MACROD2: variants seen among roughly 807,000 people sequenced by gnomAD.
The protein encoded by MACROD2 is mono-ADP ribosylhydrolase 2.
A neutral mutation model predicts 70.4 loss-of-function variants in MACROD2; 36 were observed. The observed-to-expected ratio is 0.51, with a 90% CI of 0.39 to 0.68. The LOEUF is 0.68. Among genes scored for constraint, MACROD2 ranks in the 30% least tolerant of loss-of-function variants. The pLI is 0.00. For missense variants in MACROD2, 496 were observed against 538.4 expected (o/e 0.92, Z 0.78); for synonymous variants, 172 against 178.8 (o/e 0.96, Z 0.30).
chr20:14,224,112 A>G (rs1034267223), intron 3 of MACROD2, among the ~76,000 whole-genome samples: 27 of 87,084 alleles, frequency 3.1e-4, no homozygotes, highest in African/African-American at 1.1e-3. Flanking sequence ...CAACTGATTT[A>G]ATATCAATCA....
chr20:15,020,664 T>C (rs1029800421), intron 5 of MACROD2, among the ~76,000 whole-genome samples: 1 of 152,098 alleles, frequency 6.6e-6, no homozygotes, highest in Non-Finnish European at 1.5e-5. Flanking sequence ...ACCTAGGCTA[T>C]ACTGGTATAG....
chr20:14,070,218 T>C (rs2053819692), intron 2 of MACROD2, among the ~76,000 whole-genome samples: 1 of 152,174 alleles, frequency 6.6e-6, no homozygotes, highest in Non-Finnish European at 1.5e-5. Context: ...CTAGCTACTA[T>C]TAATTAGCCT....
chr20:14,523,793 C>T (rs1307926549), intron 4 of MACROD2, among the ~76,000 whole-genome samples: 1 of 152,216 alleles, frequency 6.6e-6, no homozygotes, highest in African/African-American at 2.4e-5. Context: ...AGATCTAATT[C>T]TCAGTGCAGA....
intron 17 of MACROD2, among the ~76,000 whole-genome samples, chr20:16,046,455 A>G (rs2067382770): frequency 6.6e-6 from 1 of 151,986 alleles, no homozygotes; most frequent in Non-Finnish European, 1.5e-5. Flanking sequence ...TTTAAATGCA[A>G]GCTCCTCAGT....
intron 3 of MACROD2, among the ~76,000 whole-genome samples, chr20:14,168,820 T>C (rs964867811): frequency 6.6e-6 from 1 of 152,064 alleles, no homozygotes; most frequent in African/African-American, 2.4e-5. Context: ...TTCCACAAGA[T>C]AGAGAAAGAG....
intron 8 of MACROD2, among the ~76,000 whole-genome samples, chr20:15,784,535 A>G (rs548121874): frequency 6.6e-6 from 1 of 152,312 alleles, no homozygotes; most frequent in African/African-American, 2.4e-5. Context: ...CAAGAGCTTT[A>G]TTATACATCT....
At chr20:14,462,543 A>C (rs1008760510) in intron 3 of MACROD2, among the ~76,000 whole-genome samples, 29 of 151,846 alleles carry the variant, frequency 1.9e-4, no homozygotes, top group Admixed American at 1.8e-3. Context: ...GTTTAATTAG[A>C]TCCCATTTGT....
At chr20:15,723,735 A>G (rs755815711) in intron 8 of MACROD2, among the ~76,000 whole-genome samples, 1 of 152,214 alleles carries the variant, frequency 6.6e-6, no homozygotes, top group Non-Finnish European at 1.5e-5. Flanking sequence ...AGTTATGAAT[A>G]AAACTGCTAT....
At chr20:15,298,303 C>G (rs2077609933) in intron 6 of MACROD2, among the ~76,000 whole-genome samples, 1 of 152,186 alleles carries the variant, frequency 6.6e-6, no homozygotes, top group Admixed American at 6.5e-5. Context: ...TTGTTGACTC[C>G]TTATTCTGTT....
intron 3 of MACROD2, among the ~76,000 whole-genome samples, chr20:14,466,247 T>C (rs1317525496): frequency 6.6e-6 from 1 of 152,104 alleles, no homozygotes; most frequent in African/African-American, 2.4e-5. Flanking sequence ...TTATTCTTTT[T>C]TCTCTAAACT....
intron 8 of MACROD2, among the ~76,000 whole-genome samples, chr20:15,840,671 G>T (rs901522162): frequency 2.0e-5 from 3 of 151,950 alleles, no homozygotes; most frequent in Admixed American, 2.0e-4. Flanking sequence ...TGAAATAAAA[G>T]AATTCCATGA....
At chr20:15,080,142 A>G (rs921833997) in intron 5 of MACROD2, among the ~76,000 whole-genome samples, 1 of 141,236 alleles carries the variant, frequency 7.1e-6, no homozygotes, top group African/African-American at 2.4e-5. Flanking sequence ...AAATAAATAA[A>G]TAAATAAATA....
At chr20:14,820,924 G>A (rs1257669645) in intron 5 of MACROD2, among the ~76,000 whole-genome samples, 3 of 152,120 alleles carry the variant, frequency 2.0e-5, no homozygotes, top group Admixed American at 6.6e-5. Flanking sequence ...GATGATGTGC[G>A]TTGCGTGGAA....
At chr20:15,876,181 T>C (rs1568612066) in intron 9 of MACROD2, among the ~76,000 whole-genome samples, 1 of 150,186 alleles carries the variant, frequency 6.7e-6, no homozygotes, top group South Asian at 2.1e-4. Flanking sequence ...TTGTTACATA[T>C]GTATACATGT....
chr20:14,432,790 C>A (rs1952884585), intron 3 of MACROD2, among the ~76,000 whole-genome samples: 1 of 152,066 alleles, frequency 6.6e-6, no homozygotes, highest in African/African-American at 2.4e-5. Context: ...CTAACTAGGA[C>A]TAGGTGCCTG....
intron 6 of MACROD2, among the ~76,000 whole-genome samples, chr20:15,301,097 C>G (rs1329873141): frequency 6.6e-6 from 1 of 152,204 alleles, no homozygotes; most frequent in African/African-American, 2.4e-5. Flanking sequence ...AGCAAGGTGA[C>G]AGCTAGCTGT....
intron 15 of MACROD2, among the ~76,000 whole-genome samples, chr20:15,995,649 C>CTTTTTTTTTT (rs71192310): frequency 0.16 from 13,797 of 83,892 alleles, 1,344 homozygotes; most frequent in South Asian, 0.23. Context: ...TATGCCCGGC[C>CTTTTTTTTTT]TTTTTTTTTT....
intron 5 of MACROD2, among the ~76,000 whole-genome samples, chr20:14,954,067 AT>A (rs910015433): frequency 4.6e-5 from 7 of 151,640 alleles, no homozygotes; most frequent in African/African-American, 1.5e-4. Flanking sequence ...CGGTAAATAG[AT>A]TTTTTTTTCT....
intron 8 of MACROD2, among the ~76,000 whole-genome samples, chr20:15,685,076 A>T (rs2050209194): frequency 6.6e-6 from 1 of 152,184 alleles, no homozygotes; most frequent in Admixed American, 6.5e-5. Context: ...CACTGGTGGT[A>T]TAAGGATCAT....
Sources: allele counts gnomAD v4.1 joint callset (sites outside exome capture counted in the v4.1 genomes callset), GRCh38; gene constraint gnomAD v4.1.1; transcripts MANE v1.5; gene names NCBI Gene and HGNC (gene_info 2026-07-23, HGNC 2026-07-21).